CCDC102B: variants seen among roughly 807,000 people sequenced by gnomAD.
CCDC102B encodes coiled-coil domain containing 102B, also known as coiled-coil domain-containing protein 102B.
CCDC102B carries 75 observed loss-of-function variants against 57.4 expected under a neutral mutation model. The ratio of observed to expected loss-of-function variants is 1.31; its 90% confidence interval spans 1.08 to 1.58. The LOEUF (loss-of-function observed/expected upper bound fraction) is 1.58, where lower values mean the gene tolerates loss of function less well. Ranked by LOEUF, CCDC102B falls within the 40% of genes most tolerant of loss-of-function variation. CCDC102B has a pLI of 0.00. For synonymous variants in CCDC102B, 206 were observed against 201.9 expected (o/e 1.02, Z -0.17); for missense variants, 636 against 582.6 (o/e 1.09, Z -0.94).
intron 2 of CCDC102B, among the ~76,000 whole-genome samples, chr18:68,736,881 G>A (rs74445754): frequency 0.037 from 5,685 of 152,028 alleles, 167 homozygotes; most frequent in Non-Finnish European, 0.058. Flanking sequence ...AATATCTTAT[G>A]TTCTTTTTTA....
At chr18:68,990,078 C>T (rs1417400393) in intron 6 of CCDC102B, among the ~76,000 whole-genome samples, 2 of 152,168 alleles carry the variant, frequency 1.3e-5, no homozygotes, top group East Asian at 1.9e-4. Context: ...TCTGAAATTA[C>T]AGGCAATTAT....
intron 4 of CCDC102B, among the ~76,000 whole-genome samples, chr18:68,852,673 T>A (rs1239434616): frequency 6.6e-6 from 1 of 152,178 alleles, no homozygotes; most frequent in Non-Finnish European, 1.5e-5. Flanking sequence ...AACTCATGGA[T>A]ATGGAAGTAT....
At chr18:68,878,287 CG>C (rs918105274) in intron 5 of CCDC102B, among the ~76,000 whole-genome samples, 8 of 151,862 alleles carry the variant, frequency 5.3e-5, no homozygotes, top group African/African-American at 1.9e-4. Flanking sequence ...TTGTAGAGAC[CG>C]GGGTCTCACC....
At chr18:68,822,770 C>T (rs7226667) in intron 1 of CCDC102B, among the ~76,000 whole-genome samples, 2,817 of 152,276 alleles carry the variant, frequency 0.018, 69 homozygotes, top group African/African-American at 0.051. Flanking sequence ...GGATTATGGC[C>T]TCCGGCTCCA....
chr18:68,793,827 C>G (rs1260588409), upstream of CCDC102B, among the ~76,000 whole-genome samples: 24 of 152,116 alleles, frequency 1.6e-4, no homozygotes, highest in Admixed American at 1.6e-3. Flanking sequence ...CATAAATCCA[C>G]CAGTATAGCT....
At chr18:68,947,393 A>G (rs2049570344) in intron 6 of CCDC102B, among the ~76,000 whole-genome samples, 1 of 152,130 alleles carries the variant, frequency 6.6e-6, no homozygotes, top group Non-Finnish European at 1.5e-5. Flanking sequence ...GGCCCAAAAT[A>G]TAATGGCTGC....
intron 7 of CCDC102B, among the ~76,000 whole-genome samples, chr18:69,049,030 A>G (rs2145492811): frequency 6.6e-6 from 1 of 151,932 alleles, no homozygotes; most frequent in East Asian, 1.9e-4. Context: ...CAAAGGTTTT[A>G]AGATTTTCTT....
chr18:68,820,409 T>C (rs2036646949), intron 1 of CCDC102B, among the ~76,000 whole-genome samples: 1 of 152,128 alleles, frequency 6.6e-6, no homozygotes. Context: ...ATATTCAACT[T>C]CGTGATATAT....
intron 3 of CCDC102B, among the ~76,000 whole-genome samples, chr18:68,844,953 A>C (rs1196036889): frequency 6.9e-6 from 1 of 144,018 alleles, no homozygotes; most frequent in East Asian, 2.0e-4. Context: ...ATTTTGTTTA[A>C]TATATTTGCT....
chr18:68,832,097 A>G (rs1053319485), intron 1 of CCDC102B, among the ~76,000 whole-genome samples: 6 of 149,698 alleles, frequency 4.0e-5, no homozygotes, highest in Non-Finnish European at 8.9e-5. Flanking sequence ...TACAGGTCCT[A>G]TGCTTTTTAG....
intron 2 of CCDC102B, among the ~76,000 whole-genome samples, chr18:68,726,432 A>T (rs1446596836): frequency 6.6e-6 from 1 of 152,220 alleles, no homozygotes; most frequent in East Asian, 1.9e-4. Context: ...TAGTGCCCTG[A>T]TGTTGCCAGT....
intron 6 of CCDC102B, among the ~76,000 whole-genome samples, chr18:68,996,067 T>A (rs2051019086): frequency 6.6e-6 from 1 of 152,214 alleles, no homozygotes; most frequent in Admixed American, 6.5e-5. Flanking sequence ...TTGATTAGAC[T>A]GAAAGATGCA....
rs2049350526 is a variant in CCDC102B at position 68,940,532 on chromosome 18, G to A, written c.1263+43104G>A. On this transcript the variant is annotated intron_variant, in intron 6 of 7. Transcript: ENST00000360242. Reference sequence around the variant, plus strand: ...AAACGCTTACTCTACATATAAATCTGCTCTAAAAAATCTTAAAGAAGCTTG... The same window carrying A: ...AAACGCTTACTCTACATATAAATCTACTCTAAAAAATCTTAAAGAAGCTTG... 2.0e-5 allele frequency among the ~76,000 whole-genome samples: 3 copies of A among 151,608 alleles called. No individual in the cohort carries two copies. In the South Asian group the frequency reaches 6.2e-4, roughly 31 times the overall value.
chr18:68,721,329 AC>A, intron 2 of CCDC102B: 1 of 152,272 alleles, frequency 6.6e-6, no homozygotes, highest in Non-Finnish European at 1.5e-5. Context: ...CACCCACAAA[AC>A]CACCCTTGTC....
At position 68,950,993 on chromosome 18, in the gene CCDC102B, A is replaced by G. The variant is rs182021443; in HGVS notation, c.1263+53565A>G. Among the ~76,000 whole-genome samples the G allele has an allele frequency of 5.3e-5, 8 of 152,276 alleles. No individual in the cohort carries two copies. In the East Asian group the frequency reaches 1.5e-3, roughly 29 times the overall value. ...AGATTCTTGTTATTACTGGAAATGTAAATATATATGGGACAGAGTTAACAA... is the reference window on the plus strand; with the variant it reads ...AGATTCTTGTTATTACTGGAAATGTGAATATATATGGGACAGAGTTAACAA... On this transcript the variant is annotated intron_variant, in intron 6 of 7. Transcript: ENST00000360242.
intron 6 of CCDC102B, among the ~76,000 whole-genome samples, chr18:68,900,486 A>G (rs542096028): frequency 6.8e-4 from 104 of 152,226 alleles, no homozygotes; most frequent in African/African-American, 2.3e-3. Flanking sequence ...TCTTCCATAC[A>G]CTCAGAAAAT....
chr18:69,056,669 A>ATAGT (rs2052822594), downstream of CCDC102B, among the ~76,000 whole-genome samples: 1 of 151,936 alleles, frequency 6.6e-6, no homozygotes, highest in Admixed American at 6.6e-5. Context: ...AGATAGATAG[A>ATAGT]TAGATAGATA....
chr18:68,905,784 C>CTTTTTTTTTTTTTTTTT (rs35808828), intron 6 of CCDC102B, among the ~76,000 whole-genome samples: 2 of 70,438 alleles, frequency 2.8e-5, no homozygotes, highest in Non-Finnish European at 2.4e-5. Context: ...TTATGTCTGG[C>CTTTTTTTTTTTTTTTTT]TTTTTTTTTT....
chr18:68,741,346 A>G (rs905174863), intron 2 of CCDC102B, among the ~76,000 whole-genome samples: 3 of 152,142 alleles, frequency 2.0e-5, no homozygotes, highest in Non-Finnish European at 2.9e-5. Context: ...AATGGCATGC[A>G]CCTTTCCCAG....
Sources: gnomAD v4.1 joint callset for allele counts (sites outside exome capture counted in the v4.1 genomes callset) on GRCh38, gnomAD v4.1.1 for gene constraint, MANE v1.5 for transcripts, NCBI Gene and HGNC (gene_info 2026-07-23, HGNC 2026-07-21) for gene names.